Variants in STAMBPL1 observed in about 807,000 individuals in gnomAD.
STAMBPL1 encodes STAM binding protein like 1, also known as AMSH-like protease.
In STAMBPL1, 44 loss-of-function variants were observed where a neutral mutation model predicts 52.9. That is an observed-to-expected ratio of 0.83 (90% CI 0.65 to 1.07). The LOEUF (loss-of-function observed/expected upper bound fraction) is 1.07. Ranked by LOEUF, STAMBPL1 falls within the 50% of genes least tolerant of loss-of-function variation. The probability of loss-of-function intolerance (pLI) is 0.00; values close to 1 mark genes in which losing one functional copy is unlikely to be tolerated. For synonymous variants in STAMBPL1, 164 were observed against 177.3 expected (o/e 0.92, Z 0.60); for missense variants, 511 against 520.8 (o/e 0.98, Z 0.18).
rs1845564164 is a variant in STAMBPL1 at position 88,923,396 on chromosome 10, G to A, written c.*172G>A. 1 of 1,365,138 alleles carries A rather than the reference G, an allele frequency of 7.3e-7. No individual in the cohort carries two copies. The highest frequency in any genetic ancestry group is 9.4e-7 in the Non-Finnish European group (1 of 1,065,688). The allele number at this position is 1,365,138 out of a possible 1,614,324, so 84.6% of individuals were successfully genotyped here. ...CATTTTAAAGTTTTCTTTTTGGGTT[G>A]CTCTGTGTCAAGAGAGGTTACATGG... is the stretch of plus-strand genomic sequence containing the variant. On this transcript the variant is annotated 3_prime_UTR_variant, in exon 11 of 11. Transcript: ENST00000371926.
chr10:88,921,138 G>C, intron 8 of STAMBPL1, 145 bp from the exon 9 acceptor site: 1 of 589,632 alleles, frequency 1.7e-6, no homozygotes. Context: ...TAAAGGGAAG[G>C]ATTATGTCAG....
At chr10:88,915,635 A>T (rs1845349728) in intron 7 of STAMBPL1, among the ~76,000 whole-genome samples, 1 of 152,202 alleles carries the variant, frequency 6.6e-6, no homozygotes, top group Non-Finnish European at 1.5e-5. Flanking sequence ...TGTGCTGGTT[A>T]TTAGCATTTG....
At chr10:88,910,862 TG>T (rs1845203577) in intron 4 of STAMBPL1, 53 bp from the exon 5 acceptor site, 1 of 1,296,146 alleles carries the variant, frequency 7.7e-7, no homozygotes, top group African/African-American at 1.6e-5. Flanking sequence ...CCTGATGATC[TG>T]AAAGAGTGTA....
At chr10:88,901,385 A>G (rs1844939159) in intron 1 of STAMBPL1, 2 of 233,988 alleles carry the variant, frequency 8.5e-6, no homozygotes, top group Non-Finnish European at 1.7e-5. Context: ...AGTTCTAAGT[A>G]AGGTATCCCG....
chr10:88,893,513 G>A (rs1289012281), intron 1 of STAMBPL1, among the ~76,000 whole-genome samples: 3 of 152,188 alleles, frequency 2.0e-5, no homozygotes, highest in African/African-American at 4.8e-5. Flanking sequence ...AGGCCGAGGC[G>A]GGCGGATCAC....
At chr10:88,896,311 A>C (rs113703266) in intron 1 of STAMBPL1, among the ~76,000 whole-genome samples, 3,255 of 152,268 alleles carry the variant, frequency 0.021, 85 homozygotes, top group African/African-American at 0.063. Flanking sequence ...GGGTGGGCCT[A>C]GATTTATTTA....
In STAMBPL1 at chr10:88,923,360, T is replaced by C; in HGVS notation, c.*136T>C. ...TTTAGATGACAAAGCTTGATATTTA[T>C]TGCTGTTGCACATTTTAAAGTTTTC... On this transcript the variant is annotated 3_prime_UTR_variant, in exon 11 of 11. Transcript: ENST00000371926. 2.1e-6 allele frequency: 3 copies of C among 1,398,958 alleles called. No homozygotes were observed. The highest frequency in any genetic ancestry group is 2.8e-6 in the Non-Finnish European group (3 of 1,081,618). 86.7% of individuals were successfully genotyped at this position (1,398,958 alleles called of 1,614,324 possible).
intron 4 of STAMBPL1, among the ~76,000 whole-genome samples, chr10:88,909,073 T>C (rs935704533): frequency 1.3e-5 from 2 of 152,244 alleles, no homozygotes; most frequent in African/African-American, 4.8e-5. Flanking sequence ...TGTGTATTTC[T>C]GCGAACTTCT....
At chr10:88,888,577 A>G (rs1264253904) in intron 1 of STAMBPL1, among the ~76,000 whole-genome samples, 1 of 152,160 alleles carries the variant, frequency 6.6e-6, no homozygotes, top group African/African-American at 2.4e-5. Context: ...CCTACTATTG[A>G]TGTTATGGTG....
At chr10:88,916,949 T>A in intron 8 of STAMBPL1, 132 bp downstream of exon 8, 1 of 932,172 alleles carries the variant, frequency 1.1e-6, no homozygotes, top group Non-Finnish European at 1.5e-6. Flanking sequence ...GGTTGTCATT[T>A]AAGTAGTGGT....
At chr10:88,881,835 T>G (rs1844413208) in intron 1 of STAMBPL1, among the ~76,000 whole-genome samples, 1 of 152,226 alleles carries the variant, frequency 6.6e-6, no homozygotes, top group Non-Finnish European at 1.5e-5. Flanking sequence ...GCCACTGGAT[T>G]GTAGTGGGCA....
At chr10:88,883,084 C>T (rs542728185) in intron 1 of STAMBPL1, among the ~76,000 whole-genome samples, 6 of 146,028 alleles carry the variant, frequency 4.1e-5, no homozygotes, top group Non-Finnish European at 8.9e-5. Context: ...TGTTCAATTC[C>T]CACCTATGAG....
chr10:88,908,188 T>C (rs1426202677), intron 3 of STAMBPL1, among the ~76,000 whole-genome samples: 3 of 152,218 alleles, frequency 2.0e-5, no homozygotes, highest in African/African-American at 7.2e-5. Flanking sequence ...AATGAATTCC[T>C]AATTAGCAAC....
intron 5 of STAMBPL1, chr10:88,912,800 C>G (rs1845260542): frequency 3.6e-6 from 1 of 278,232 alleles, no homozygotes; most frequent in East Asian, 7.1e-5. Flanking sequence ...GTTGGTCTGA[C>G]TGAGCAAACA....
chr10:88,883,845 T>C (rs532307862), intron 1 of STAMBPL1, among the ~76,000 whole-genome samples: 2 of 152,370 alleles, frequency 1.3e-5, no homozygotes, highest in Non-Finnish European at 2.9e-5. Flanking sequence ...TTCAAGGTAC[T>C]CTTTTGGAAA....
intron 9 of STAMBPL1, 96 bp downstream of exon 9, chr10:88,921,491 C>T (rs1845511177): frequency 1.1e-6 from 1 of 940,252 alleles, no homozygotes; most frequent in African/African-American, 1.6e-5. Flanking sequence ...CTTGGATTGG[C>T]AAGCACACAA....
chr10:88,914,482 G>T, intron 6 of STAMBPL1, 52 bp from the exon 7 acceptor site: 4 of 1,358,730 alleles, frequency 2.9e-6, no homozygotes, highest in Middle Eastern at 2.0e-4. Flanking sequence ...AATTTTGAAA[G>T]ATGGGACATA....
intron 1 of STAMBPL1, 75 bp downstream of exon 1, chr10:88,880,713 C>G (rs373191310): frequency 2.0e-5 from 3 of 152,182 alleles, no homozygotes; most frequent in East Asian, 1.9e-4. Context: ...GCGTCTGCCT[C>G]GTGGCCTGGC....
At chr10:88,880,692 G>C (rs959744358) in intron 1 of STAMBPL1, 54 bp downstream of exon 1, 1 of 152,200 alleles carries the variant, frequency 6.6e-6, no homozygotes, top group Non-Finnish European at 1.5e-5. Flanking sequence ...GGGGAAGTGC[G>C]CACGGCGGGT....
Sources: allele counts gnomAD v4.1 joint callset (sites outside exome capture counted in the v4.1 genomes callset), GRCh38; gene constraint gnomAD v4.1.1; transcripts MANE v1.5; gene names NCBI Gene and HGNC (gene_info 2026-07-23, HGNC 2026-07-21).